RGS5: variants seen among roughly 807,000 people sequenced by gnomAD.
RGS5 encodes regulator of G protein signaling 5.
RGS5 carries 20 observed loss-of-function variants against 18.9 expected under a neutral mutation model. That is an observed-to-expected ratio of 1.06 (90% CI 0.74 to 1.54). The LOEUF is 1.54. Among genes scored for constraint, RGS5 ranks in the 40% most tolerant of loss-of-function variants. The pLI is 0.00. For synonymous variants in RGS5, 57 were observed against 76.2 expected, an observed-to-expected ratio of 0.75 and a Z score of 1.31; for missense variants, 201 against 211.8, an observed-to-expected ratio of 0.95 and a Z score of 0.32.
At chr1:163,240,894 T>C (rs557980552) in intron 2 of RGS5, among the ~76,000 whole-genome samples, 2 of 152,284 alleles carry the variant, frequency 1.3e-5, no homozygotes, top group Non-Finnish European at 2.9e-5. Flanking sequence ...ATCTAAGGCG[T>C]GTGATGGCAC....
intron 2 of RGS5, among the ~76,000 whole-genome samples, chr1:163,274,896 C>T (rs886895368): frequency 2.6e-5 from 4 of 152,110 alleles, no homozygotes; most frequent in South Asian, 2.1e-4. Context: ...GTGGAAGGAT[C>T]GCTTGAGCCA....
chr1:163,202,257 A>T (rs188360996), intron 1 of RGS5, among the ~76,000 whole-genome samples: 11 of 152,236 alleles, frequency 7.2e-5, no homozygotes, highest in African/African-American at 2.4e-4. Context: ...ATAAAAATTA[A>T]CATTTATACA....
chr1:163,262,620 G>A (rs1442712787), intron 2 of RGS5, among the ~76,000 whole-genome samples: 7 of 117,808 alleles, frequency 5.9e-5, no homozygotes, highest in Admixed American at 9.3e-5. Context: ...ATAAACATAC[G>A]TGTGCATGTG....
chr1:163,161,525 A>G (rs1657796707), intron 3 of RGS5: 1 of 174,002 alleles, frequency 5.7e-6, no homozygotes, highest in African/African-American at 2.4e-5. Flanking sequence ...ATGACTTGTT[A>G]GCGATCTTTA....
At chr1:163,259,285 G>T (rs1037407400) in intron 2 of RGS5, among the ~76,000 whole-genome samples, 2 of 151,754 alleles carry the variant, frequency 1.3e-5, no homozygotes, top group African/African-American at 2.4e-5. Context: ...CCAAGTAGCT[G>T]GGACTACAGG....
rs1313189333 is a variant in RGS5 at position 163,149,896 on chromosome 1, A to C, written c.385-2393T>G. On this transcript the variant is annotated intron_variant, in intron 4 of 4. Coordinates refer to ENST00000313961, the MANE Select transcript of RGS5 (RefSeq NM_003617.4). ...TAAGTAATAAAAGCTATGACTTAAC[A>C]TACTTCAGGTGCACATACATATACA... Among the ~76,000 whole-genome samples, 3 of 152,336 alleles carry C rather than the reference A, an allele frequency of 2.0e-5. No homozygotes were observed. The East Asian group carries it at 5.8e-4, about 29-fold the overall frequency.
chr1:163,245,395 A>T (rs1206262046), intron 2 of RGS5, among the ~76,000 whole-genome samples: 1 of 152,238 alleles, frequency 6.6e-6, no homozygotes, highest in Admixed American at 6.5e-5. Context: ...TTGAAGTTTC[A>T]CAGAACTCCA....
At chr1:163,250,382 A>G (rs1648073777) in intron 2 of RGS5, among the ~76,000 whole-genome samples, 1 of 152,244 alleles carries the variant, frequency 6.6e-6, no homozygotes, top group Non-Finnish European at 1.5e-5. Flanking sequence ...GAACCCAATT[A>G]TGAATATTGT....
chr1:163,254,072 C>T (rs1356151407), intron 2 of RGS5, among the ~76,000 whole-genome samples: 3 of 150,420 alleles, frequency 2.0e-5, no homozygotes, highest in South Asian at 2.1e-4. Flanking sequence ...TGAGTTGGTT[C>T]CAAGTCTTTG....
chr1:163,209,614 G>A (rs899926838), intron 1 of RGS5, among the ~76,000 whole-genome samples: 1 of 152,020 alleles, frequency 6.6e-6, no homozygotes, highest in Admixed American at 6.6e-5. Flanking sequence ...TTATCCCTAA[G>A]TATTTAATCT....
chr1:163,159,352 G>T (rs543725166), intron 3 of RGS5, among the ~76,000 whole-genome samples: 80 of 152,314 alleles, frequency 5.3e-4, no homozygotes, highest in Middle Eastern at 3.4e-3. Context: ...CACAATTTAT[G>T]TTCAAAGATT....
intron 1 of RGS5, among the ~76,000 whole-genome samples, chr1:163,181,706 G>A (rs1177835456): frequency 6.6e-6 from 1 of 152,088 alleles, no homozygotes; most frequent in Non-Finnish European, 1.5e-5. Flanking sequence ...GAGGATGGGT[G>A]CCTTGTCTTA....
chr1:163,227,246 G>A (rs1647359456), intron 2 of RGS5, among the ~76,000 whole-genome samples: 1 of 152,174 alleles, frequency 6.6e-6, no homozygotes, highest in Non-Finnish European at 1.5e-5. Flanking sequence ...ATGCTTCTGT[G>A]AAGAAATACA....
intron 2 of RGS5, chr1:163,304,115 T>C (rs1460682069): frequency 6.6e-6 from 1 of 152,222 alleles, no homozygotes; most frequent in Non-Finnish European, 1.5e-5. Flanking sequence ...GTGACTGTCC[T>C]ATCTGGTCAC....
chr1:163,232,538 T>C (rs994948485), intron 2 of RGS5, among the ~76,000 whole-genome samples: 1 of 152,144 alleles, frequency 6.6e-6, no homozygotes, highest in Non-Finnish European at 1.5e-5. Context: ...AAGGAGGAAA[T>C]GTCTCAAGGA....
intron 2 of RGS5, among the ~76,000 whole-genome samples, chr1:163,302,895 G>A (rs1297277140): frequency 6.6e-6 from 1 of 152,042 alleles, no homozygotes; most frequent in Non-Finnish European, 1.5e-5. Flanking sequence ...AACCTTTATA[G>A]CACTCTCTTA....
chr1:163,158,537 G>A (rs1403847736), intron 3 of RGS5, among the ~76,000 whole-genome samples: 2 of 152,144 alleles, frequency 1.3e-5, no homozygotes, highest in African/African-American at 4.8e-5. Flanking sequence ...GTCCAGGGGA[G>A]ACATCACTTG....
chr1:163,319,617 A>G (rs1226539948), intron 1 of RGS5, among the ~76,000 whole-genome samples: 1 of 152,202 alleles, frequency 6.6e-6, no homozygotes, highest in Non-Finnish European at 1.5e-5. Flanking sequence ...ATTTATAGAC[A>G]AGATGCACGG....
At chr1:163,309,381 A>G (rs1649792180) in intron 1 of RGS5, among the ~76,000 whole-genome samples, 1 of 152,098 alleles carries the variant, frequency 6.6e-6, no homozygotes, top group Non-Finnish European at 1.5e-5. Context: ...TGGAGTCAGT[A>G]CTCTCAAACC....
Sources: allele counts gnomAD v4.1 joint callset (sites outside exome capture counted in the v4.1 genomes callset), GRCh38; gene constraint gnomAD v4.1.1; transcripts MANE v1.5; gene names NCBI Gene and HGNC (gene_info 2026-07-23, HGNC 2026-07-21).